The following RAP1B variants were observed in gnomAD, a reference collection of about 807,000 sequenced individuals.
RAP1B encodes the protein ras-related protein Rap-1b.
A neutral mutation model predicts 27.5 loss-of-function variants in RAP1B; 1 was observed. The observed-to-expected ratio is 0.04, with a 90% CI of 0.01 to 0.17. The LOEUF (loss-of-function observed/expected upper bound fraction) is 0.17, where lower values mean the gene tolerates loss of function less well. Ranked by LOEUF, RAP1B falls within the 10% of genes least tolerant of loss-of-function variation. RAP1B has a pLI of 1.00. For missense variants in RAP1B, 84 were observed against 214.8 expected, an observed-to-expected ratio of 0.39 and a Z score of 3.81; for synonymous variants, 75 against 73.1, an observed-to-expected ratio of 1.03 and a Z score of -0.13.
chr12:68,634,542 G>A (rs1488685786), intron 1 of RAP1B, among the ~76,000 whole-genome samples: 2 of 151,982 alleles, frequency 1.3e-5, no homozygotes, highest in African/African-American at 4.8e-5. Context: ...TATTTGGAAA[G>A]ATCTGATAGA....
At chr12:68,632,036 G>A (rs145825848) in intron 1 of RAP1B, among the ~76,000 whole-genome samples, 28 of 149,996 alleles carry the variant, frequency 1.9e-4, no homozygotes, top group African/African-American at 6.9e-4. Flanking sequence ...TTGCATATCA[G>A]TGCTTTACTG....
rs1280513936 is a variant in RAP1B, at chr12:68,671,557, G to A, written c.*12308G>A. 1 of 152,184 alleles carries A rather than the reference G, an allele frequency of 6.6e-6. No individual in the cohort carries two copies. Among genetic ancestry groups the A allele is most frequent in the Non-Finnish European group, 1.5e-5 (1 of 68,034 alleles). 9.4% of individuals were successfully genotyped at this position (152,184 alleles called of 1,614,324 possible). A position where few individuals can be genotyped will look rare whatever the true frequency, so the allele number is the denominator to read the frequency against. On this transcript the variant is annotated 3_prime_UTR_variant, in exon 8 of 8. Transcript: ENST00000250559. ...GTGAACAAAACAGAATACCGAGAAG[G>A]ATGTATGTGAGGGATGCATGTGGGC...
chr12:68,648,048 CCTT>C (rs1278631465), intron 1 of RAP1B: 5 of 152,286 alleles, frequency 3.3e-5, no homozygotes, highest in East Asian at 1.9e-4. Context: ...TCCTTGAAGA[CCTT>C]CTGTCTATTG....
chr12:68,650,312 C>G, intron 2 of RAP1B, 88 bp from the exon 3 acceptor site: 1 of 1,204,960 alleles, frequency 8.3e-7, no homozygotes, highest in East Asian at 3.1e-5. Context: ...TGGTGTAACT[C>G]CCTGTGTGAA....
At chr12:68,619,870 TAGATA>T (rs1281687868) in intron 1 of RAP1B, among the ~76,000 whole-genome samples, 1 of 152,202 alleles carries the variant, frequency 6.6e-6, no homozygotes, top group African/African-American at 2.4e-5. Flanking sequence ...GGTAATGGAT[TAGATA>T]ATAGTTATTT....
At chr12:68,626,774 GTT>G in intron 1 of RAP1B, 3 of 1,066,626 alleles carry the variant, frequency 2.8e-6, no homozygotes, top group Non-Finnish European at 3.9e-6. Flanking sequence ...TTTCCAGGGT[GTT>G]TTTTTTTTGT....
intron 4 of RAP1B, 149 bp downstream of exon 4, chr12:68,652,200 C>A: frequency 1.8e-6 from 1 of 559,694 alleles, no homozygotes; most frequent in Non-Finnish European, 3.1e-6. Context: ...ATTCCCAGCA[C>A]TTCGGGAGGT....
chr12:68,653,606 T>C (rs1195403325), intron 4 of RAP1B, among the ~76,000 whole-genome samples: 2 of 152,156 alleles, frequency 1.3e-5, no homozygotes, highest in Non-Finnish European at 2.9e-5. Context: ...TGTATATAAA[T>C]CGACTTTGGT....
chr12:68,659,289 AC>A lies in RAP1B; in HGVS notation c.*41del, dbSNP rs1299802861. ...TTTTTCCTTTTGACAGGTCTGAAGAACTGTTGCCCAATTCAACAGTGCCAGC... is the reference window on the plus strand; with the variant it reads ...TTTTTCCTTTTGACAGGTCTGAAGAATGTTGCCCAATTCAACAGTGCCAGC... On this transcript the variant is annotated 3_prime_UTR_variant, in exon 8 of 8. Transcript: ENST00000250559. 1 of 457,148 alleles carries A rather than the reference AC, an allele frequency of 2.2e-6. No homozygotes were observed. Among genetic ancestry groups the A allele is most frequent in the African/African-American group, 2.0e-5 (1 of 50,024 alleles). The allele number at this position is 457,148 out of a possible 1,614,324, so 28.3% of individuals were successfully genotyped here.
rs962391560 is a variant in RAP1B, at chr12:68,666,356, A to G, written c.*7107A>G. ...AGTTAGTGTCCTAGTTTAAAAGTAT[A>G]TATTAGTTTCCTAGGGCTGCTGTAA... is the stretch of plus-strand genomic sequence containing the variant. On this transcript the variant is annotated 3_prime_UTR_variant, in exon 8 of 8. Coordinates refer to ENST00000250559, the MANE Select transcript of RAP1B (RefSeq NM_001010942.3). The G allele has an allele frequency of 7.9e-5, 12 of 152,216 alleles. No individual in the cohort carries two copies. The highest frequency in any genetic ancestry group is 2.7e-4 in the African/African-American group (11 of 41,456). The allele number at this position is 152,216 out of a possible 1,614,324, so 9.4% of individuals were successfully genotyped here. A position where few individuals can be genotyped will look rare whatever the true frequency, so the allele number is the denominator to read the frequency against.
intron 5 of RAP1B, among the ~76,000 whole-genome samples, chr12:68,654,855 G>A (rs1874088285): frequency 6.6e-6 from 1 of 152,144 alleles, no homozygotes; most frequent in East Asian, 1.9e-4. Flanking sequence ...TATAGCAGTG[G>A]TTCTCAAAAT....
At chr12:68,650,361 T>C in intron 2 of RAP1B, 39 bp from the exon 3 acceptor site, 2 of 1,478,642 alleles carry the variant, frequency 1.4e-6, no homozygotes, top group Non-Finnish European at 1.8e-6. Context: ...ATGTACTCTT[T>C]TCTTTAGAAG....
At chr12:68,658,895 G>A (rs1874421420) in intron 7 of RAP1B, among the ~76,000 whole-genome samples, 1 of 152,184 alleles carries the variant, frequency 6.6e-6, no homozygotes, top group Non-Finnish European at 1.5e-5. Flanking sequence ...TGTAAACACA[G>A]GATCACCCAG....
rs1565677552 is a variant in RAP1B, at chr12:68,662,099, CTATA to C, written c.*2857_*2860del. On this transcript the variant is annotated 3_prime_UTR_variant, in exon 8 of 8. Coordinates refer to ENST00000250559, the MANE Select transcript of RAP1B (RefSeq NM_001010942.3). The stretch of plus-strand genomic sequence containing the variant: ...TAGTACAGTGGAGGTCTATATAATA[CTATA>C]TATATAATTTATTTTTTTCAATGCT... 1 of 146,342 alleles carries C rather than the reference CTATA, an allele frequency of 6.8e-6. No homozygotes were observed. The highest frequency in any genetic ancestry group is 2.5e-5 in the African/African-American group (1 of 39,740). The allele number at this position is 146,342 out of a possible 1,614,324, so 9.1% of individuals were successfully genotyped here.
Position 68,656,380 on chromosome 12 carries a change from T to C in RAP1B, c.399T>C (p.Asn133=). ...ERVVGKEQGQ[N]LARQWNNCAF... ...TTGTAGGGAAGGAACAAGGTCAAAATCTAGCAAGACAATGGAACAACTGTG... is the reference window on the plus strand; with the variant it reads ...TTGTAGGGAAGGAACAAGGTCAAAACCTAGCAAGACAATGGAACAACTGTG... Residue 133 remains asparagine (N), a synonymous_variant, in exon 6 of 8, where the codon AAT becomes AAC. Coordinates refer to ENST00000250559, the MANE Select transcript of RAP1B (RefSeq NM_001010942.3). 2 of 1,609,866 alleles carry C rather than the reference T, an allele frequency of 1.2e-6. No homozygotes were observed. The highest frequency in any genetic ancestry group is 1.1e-5 in the South Asian group (1 of 90,980).
At chr12:68,615,544 G>T (rs963409695) in intron 1 of RAP1B, among the ~76,000 whole-genome samples, 6 of 151,314 alleles carry the variant, frequency 4.0e-5, no homozygotes, top group African/African-American at 1.5e-4. Flanking sequence ...AGCCAAGATC[G>T]CTCCACTGCA....
At position 68,666,551 on chromosome 12, in the gene RAP1B, T is replaced by G. The variant is rs1874859422; in HGVS notation, c.*7302T>G. 1 of 152,250 alleles carries G rather than the reference T, an allele frequency of 6.6e-6. No homozygotes were observed. The highest frequency in any genetic ancestry group is 2.1e-4 in the South Asian group (1 of 4,834). 9.4% of individuals were successfully genotyped at this position (152,250 alleles called of 1,614,324 possible). A position where few individuals can be genotyped will look rare whatever the true frequency, so the allele number is the denominator to read the frequency against. ...CATGTGCCTCTATCTTTGTATCTCC[T>G]CCTCTCTATAATCTTTCTTTTAAAA... On this transcript the variant is annotated 3_prime_UTR_variant, in exon 8 of 8. Coordinates refer to ENST00000250559, the MANE Select transcript of RAP1B (RefSeq NM_001010942.3).
At chr12:68,642,587 T>G in intron 1 of RAP1B, 1 of 1,041,166 alleles carries the variant, frequency 9.6e-7, no homozygotes, top group South Asian at 1.3e-5. Context: ...TGGGAAAGCT[T>G]CGTTCAAGTC....
chr12:68,630,229 G>A (rs1001916376), intron 1 of RAP1B, among the ~76,000 whole-genome samples: 5 of 152,134 alleles, frequency 3.3e-5, no homozygotes, highest in Non-Finnish European at 7.4e-5. Flanking sequence ...GCAAGTGTTG[G>A]CAAACTTTTT....
Sources: allele counts gnomAD v4.1 joint callset (sites outside exome capture counted in the v4.1 genomes callset), GRCh38; gene constraint gnomAD v4.1.1; transcripts MANE v1.5; gene names NCBI Gene and HGNC (gene_info 2026-07-23, HGNC 2026-07-21).